Variants in RASSF2 observed in about 807,000 individuals in gnomAD.
RASSF2 encodes the protein ras association domain-containing protein 2.
Under a neutral mutation model 46.3 loss-of-function variants are expected in RASSF2, and 34 were observed. That is an observed-to-expected ratio of 0.73 (90% CI 0.56 to 0.98). RASSF2 has a LOEUF of 0.98. Among genes scored for constraint, RASSF2 ranks in the 50% least tolerant of loss-of-function variants. The pLI is 0.00. For missense variants in RASSF2, 364 were observed against 431.2 expected (o/e 0.84, Z 1.38); for synonymous variants, 158 against 162.5 (o/e 0.97, Z 0.21).
intron 2 of RASSF2, among the ~76,000 whole-genome samples, chr20:4,821,000 G>A (rs963610642): frequency 6.6e-6 from 1 of 152,036 alleles, no homozygotes; most frequent in African/African-American, 2.4e-5. Flanking sequence ...AAGCAGCGTC[G>A]TCCAGCCCTC....
chr20:4,816,421 C>T (rs559040298), intron 2 of RASSF2, among the ~76,000 whole-genome samples: 2 of 152,200 alleles, frequency 1.3e-5, no homozygotes, highest in East Asian at 3.9e-4. Flanking sequence ...TTCATAAAGA[C>T]GGTAAGTAGA....
At chr20:4,788,088 C>T (rs1320864349) in intron 9 of RASSF2, 129 bp downstream of exon 9, 1 of 941,690 alleles carries the variant, frequency 1.1e-6, no homozygotes, top group Non-Finnish European at 1.7e-6. Context: ...GCCCATCAGC[C>T]TTGAAGGCAA....
chr20:4,815,935 G>A (rs548432969), intron 2 of RASSF2, among the ~76,000 whole-genome samples: 11 of 152,310 alleles, frequency 7.2e-5, no homozygotes, highest in African/African-American at 2.6e-4. Context: ...AACCTCCAGG[G>A]GCCAAATACC....
intron 1 of RASSF2, among the ~76,000 whole-genome samples, chr20:4,823,270 A>G (rs1044850795): frequency 2.0e-5 from 3 of 151,874 alleles, no homozygotes; most frequent in Non-Finnish European, 4.4e-5. Flanking sequence ...ATCCCGCGCC[A>G]GTGCCTCGCT....
chr20:4,794,381 C>T (rs1288063502), intron 5 of RASSF2, among the ~76,000 whole-genome samples: 1 of 152,026 alleles, frequency 6.6e-6, no homozygotes, highest in East Asian at 1.9e-4. Flanking sequence ...CCAGCCTGGC[C>T]AACATGATGA....
intron 6 of RASSF2, among the ~76,000 whole-genome samples, chr20:4,791,999 C>T (rs2422997): frequency 0.4 from 60,999 of 151,688 alleles, 12,437 homozygotes; most frequent in African/African-American, 0.43. Context: ...GCCTATAATC[C>T]CAGCATTTTG....
At chr20:4,797,316 G>C (rs1926430306) in intron 4 of RASSF2, among the ~76,000 whole-genome samples, 1 of 152,146 alleles carries the variant, frequency 6.6e-6, no homozygotes, top group Non-Finnish European at 1.5e-5. Context: ...TCTGTTATCT[G>C]TTTCTATGGT....
At chr20:4,801,202 A>G in intron 2 of RASSF2, 140 bp from the exon 3 acceptor site, 1 of 637,992 alleles carries the variant, frequency 1.6e-6, no homozygotes, top group South Asian at 1.9e-5. Context: ...GCTAACACTG[A>G]CCCAAGGCTG....
rs1927926828 is a variant in RASSF2, at chr20:4,812,765, C to T, written c.-33+9564G>A. On this transcript the variant is annotated intron_variant, in intron 2 of 11. Coordinates refer to ENST00000379400, the MANE Select transcript of RASSF2 (RefSeq NM_014737.3). This position sits in a 1 kb window ranked among gnomAD's most constrained non-coding sequence, Gnocchi z 4.0. ...AGACTTCACTTTACAAATGAGGAAA[C>T]AGAAGGTCTCAGAGGTTAGGTGGCT... 6.6e-6 allele frequency among the ~76,000 whole-genome samples: 1 copy of T among 152,204 alleles called. No homozygotes were observed. The highest frequency in any genetic ancestry group is 6.5e-5 in the Admixed American group (1 of 15,272).
intron 2 of RASSF2, among the ~76,000 whole-genome samples, chr20:4,816,645 C>CATAAAA (rs1379441418): frequency 2.6e-5 from 4 of 152,108 alleles, no homozygotes; most frequent in African/African-American, 7.2e-5. Flanking sequence ...CACAATAAAA[C>CATAAAA]ATAAAAATAA....
chr20:4,790,668 G>A lies in RASSF2; in HGVS notation c.377-57C>T. 6.9e-7 allele frequency: 1 copy of A among 1,441,744 alleles called. No homozygotes were observed. Among genetic ancestry groups the A allele is most frequent in the Admixed American group, 2.9e-5 (1 of 34,076 alleles). The allele number at this position is 1,441,744 out of a possible 1,614,324, so 89.3% of individuals were successfully genotyped here. A position where few individuals can be genotyped will look rare whatever the true frequency, so the allele number is the denominator to read the frequency against. ...GTCTGGACCTGGGACATGGCACATG[G>A]TCCCCAATTTGTGGCCAGTGCGACA... is the stretch of plus-strand genomic sequence containing the variant. On this transcript the variant is annotated intron_variant, in intron 6 of 11. Coordinates refer to ENST00000379400, the MANE Select transcript of RASSF2 (RefSeq NM_014737.3). This position sits in a 1 kb window ranked among gnomAD's most constrained non-coding sequence, Gnocchi z 4.3.
intron 2 of RASSF2, among the ~76,000 whole-genome samples, chr20:4,816,655 AATT>A (rs2122686247): frequency 6.6e-6 from 1 of 152,354 alleles, no homozygotes; most frequent in Non-Finnish European, 1.5e-5. Flanking sequence ...CATAAAAATA[AATT>A]ATTACATATG....
intron 3 of RASSF2, among the ~76,000 whole-genome samples, chr20:4,799,024 C>CA (rs1926638825): frequency 6.6e-6 from 1 of 151,892 alleles, no homozygotes; most frequent in African/African-American, 2.4e-5. Flanking sequence ...GCTTCTTTCA[C>CA]AAAAAAGCAC....
chr20:4,822,739 GGAGGGCCAACGGCCCC>G (rs1404996778), intron 1 of RASSF2, among the ~76,000 whole-genome samples: 1 of 152,242 alleles, frequency 6.6e-6, no homozygotes, highest in Non-Finnish European at 1.5e-5. Context: ...GGAAGTGCCC[GGAGGGCCAACGGCCCC>G]CGCGCACCCT....
rs142314998 is a variant in RASSF2 at position 4,815,870 on chromosome 20, G to T, written c.-33+6459C>A. On this transcript the variant is annotated intron_variant, in intron 2 of 11. Transcript: ENST00000379400. ...GAGGCTGAGATGGAGGCAGCACCCT[G>T]ATACTGCCCAGGCCAGGAAGGATAG... Among the ~76,000 whole-genome samples, 257 of 152,330 alleles carry T rather than the reference G, an allele frequency of 1.7e-3. 1 individual carries two copies. Among genetic ancestry groups the T allele is most frequent in the African/African-American group, 5.8e-3 (242 of 41,566 alleles).
intron 2 of RASSF2, among the ~76,000 whole-genome samples, chr20:4,819,147 G>C (rs1335104346): frequency 5.3e-5 from 8 of 152,126 alleles, no homozygotes; most frequent in Admixed American, 3.3e-4. Flanking sequence ...ATTTTCAGTA[G>C]AGACGGGGTT....
At chr20:4,798,771 A>G (rs1601105799) in intron 3 of RASSF2, among the ~76,000 whole-genome samples, 2 of 150,950 alleles carry the variant, frequency 1.3e-5, no homozygotes, top group South Asian at 4.2e-4. Context: ...GGTTGCAGTG[A>G]GCTGAGATCG....
rs1197212308 is a variant in RASSF2 at position 4,781,356 on chromosome 20, T to A, written c.*2917A>T. The A allele has an allele frequency of 6.6e-6, 1 of 152,202 alleles. No homozygotes were observed. Among genetic ancestry groups the A allele is most frequent in the African/African-American group, 2.4e-5 (1 of 41,450 alleles). 9.4% of individuals were successfully genotyped at this position (152,202 alleles called of 1,614,324 possible). On this transcript the variant is annotated 3_prime_UTR_variant, in exon 12 of 12. Transcript: ENST00000379400. ...TGTGAAAATATTTCTCCTTGAAGCA[T>A]CAGCATGTCTCAGATCAAAATCTTG... is the stretch of plus-strand genomic sequence containing the variant.
At chr20:4,816,504 T>G (rs1928314992) in intron 2 of RASSF2, among the ~76,000 whole-genome samples, 1 of 152,206 alleles carries the variant, frequency 6.6e-6, no homozygotes, top group Non-Finnish European at 1.5e-5. Flanking sequence ...AGCTTCTGTT[T>G]GGAACGACGA....
Sources: allele counts gnomAD v4.1 joint callset (sites outside exome capture counted in the v4.1 genomes callset), GRCh38; gene constraint gnomAD v4.1.1; non-coding constraint Gnocchi (gnomAD v3.1); transcripts MANE v1.5; gene names NCBI Gene and HGNC (gene_info 2026-07-23, HGNC 2026-07-21).